The following ZNF25 variants were observed in gnomAD, a reference collection of about 807,000 sequenced individuals.
ZNF25 encodes zinc finger protein 25 (KOX 19).
A neutral mutation model predicts 30.9 loss-of-function variants in ZNF25; 21 were observed. The ratio of observed to expected loss-of-function variants is 0.68; its 90% confidence interval spans 0.48 to 0.98. ZNF25 has a LOEUF of 0.98. Among genes scored for constraint, ZNF25 ranks in the 50% least tolerant of loss-of-function variants. The pLI is 0.00. For missense variants in ZNF25, 501 were observed against 529.9 expected (o/e 0.95, Z 0.54); for synonymous variants, 169 against 181.3 (o/e 0.93, Z 0.55).
At chr10:37,957,775 A>G (rs2062623204) in intron 2 of ZNF25, among the ~76,000 whole-genome samples, 1 of 152,126 alleles carries the variant, frequency 6.6e-6, no homozygotes, top group African/African-American at 2.4e-5. Flanking sequence ...AAAGATGAAG[A>G]AAAAAAATGA....
intron 2 of ZNF25, chr10:37,967,794 C>G (rs957605739): frequency 3.3e-5 from 5 of 152,042 alleles, no homozygotes; most frequent in African/African-American, 1.2e-4. Flanking sequence ...AACTCAATAC[C>G]CACATGCGTG....
chr10:37,959,801 G>A (rs539256985), intron 2 of ZNF25, among the ~76,000 whole-genome samples: 49 of 151,782 alleles, frequency 3.2e-4, no homozygotes, highest in Non-Finnish European at 5.6e-4. Flanking sequence ...GTAGAGATGC[G>A]GTTTCAGCAT....
chr10:37,954,887 C>T (rs1234726504), intron 4 of ZNF25, among the ~76,000 whole-genome samples: 3 of 152,132 alleles, frequency 2.0e-5, no homozygotes, highest in African/African-American at 7.2e-5. Context: ...GGAACGGTGG[C>T]TCATGCCTGT....
chr10:37,953,700 A>G lies in ZNF25; in HGVS notation c.297T>C (p.Asn99=), dbSNP rs2062331962. 6.2e-7 allele frequency: 1 copy of G among 1,613,856 alleles called. No individual in the cohort carries two copies. Among genetic ancestry groups the G allele is most frequent in the Admixed American group, 1.7e-5 (1 of 59,990 alleles). Residue 99 remains asparagine, a synonymous_variant, in exon 5 of 6, where the codon AAT becomes AAC. Transcript: ENST00000302609. ...EARYQESQAG[N]SRNGELTKHQ... is the part of the protein sequence containing the mutation. ...ACATTAATTCTTGAACTTGCCTTGA[A>G]TTTCCAGCTTGGCTTTCCTGGTATC... is the stretch of plus-strand genomic sequence containing the variant.
chr10:37,951,929 G>T lies in ZNF25; in HGVS notation c.*198C>A. The T allele has an allele frequency of 2.2e-6, 1 of 457,954 alleles. No individual in the cohort carries two copies. The highest frequency in any genetic ancestry group is 3.7e-6 in the Non-Finnish European group (1 of 267,058). The allele number at this position is 457,954 out of a possible 1,614,324, so 28.4% of individuals were successfully genotyped here. ...TGCCATCTATATTATCTAATATTTA[G>T]AAAAGCCTAAAATATGATAAAATTT... On this transcript the variant is annotated 3_prime_UTR_variant, in exon 6 of 6. Coordinates refer to ENST00000302609, the MANE Select transcript of ZNF25 (RefSeq NM_145011.4).
intron 4 of ZNF25, among the ~76,000 whole-genome samples, chr10:37,955,573 T>C (rs1463240911): frequency 6.6e-6 from 1 of 152,216 alleles, no homozygotes; most frequent in Admixed American, 6.5e-5. Flanking sequence ...ATCCTTATCA[T>C]AAAAACCAAT....
intron 2 of ZNF25, among the ~76,000 whole-genome samples, chr10:37,969,111 C>T (rs778385622): frequency 6.6e-6 from 1 of 152,118 alleles, no homozygotes; most frequent in African/African-American, 2.4e-5. Flanking sequence ...TTATAATGGG[C>T]ATAATTTTAA....
rs2062108148 is a variant in ZNF25, at chr10:37,950,923, T to A, written c.*1204A>T. 1 of 152,160 alleles carries A rather than the reference T, an allele frequency of 6.6e-6. No homozygotes were observed. The highest frequency in any genetic ancestry group is 6.5e-5 in the Admixed American group (1 of 15,274). 9.4% of individuals were successfully genotyped at this position (152,160 alleles called of 1,614,324 possible). The stretch of plus-strand genomic sequence containing the variant: ...GATAGCTCTGCTCCCTGCTCACACA[T>A]CAACAGTAAGATACATAATATTTCT... On this transcript the variant is annotated 3_prime_UTR_variant, in exon 6 of 6. Coordinates refer to ENST00000302609, the MANE Select transcript of ZNF25 (RefSeq NM_145011.4).
intron 1 of ZNF25, among the ~76,000 whole-genome samples, chr10:37,973,552 G>A (rs1319426616): frequency 6.7e-6 from 1 of 148,756 alleles, no homozygotes; most frequent in Non-Finnish European, 1.5e-5. Context: ...CTGGGAGACA[G>A]AGGTTGCAGT....
chr10:37,967,704 A>T (rs2063265798), intron 2 of ZNF25, among the ~76,000 whole-genome samples: 1 of 152,094 alleles, frequency 6.6e-6, no homozygotes, highest in Non-Finnish European at 1.5e-5. Flanking sequence ...CACCACGTTC[A>T]GCCCCAACTG....
intron 2 of ZNF25, among the ~76,000 whole-genome samples, chr10:37,968,942 C>T (rs896523103): frequency 1.3e-5 from 2 of 152,068 alleles, no homozygotes; most frequent in African/African-American, 2.4e-5. Flanking sequence ...GAACCAATCA[C>T]CTGCATATAC....
intron 5 of ZNF25, chr10:37,953,456 C>A (rs1392317361): frequency 3.3e-6 from 2 of 605,620 alleles, no homozygotes; most frequent in Non-Finnish European, 5.8e-6. Context: ...GTAATAGAGA[C>A]TCCCTTTCAT....
Position 37,960,386 on chromosome 10 carries a change from G to A in ZNF25, c.16-2840C>T, listed in dbSNP as rs189995309. ...TCCCAGCACTTCGGGAGGCTGAGGC[G>A]GGCGGATCACGAGGTCAGGAGATCG... On this transcript the variant is annotated intron_variant, in intron 2 of 5. Coordinates refer to ENST00000302609, the MANE Select transcript of ZNF25 (RefSeq NM_145011.4). 5.5e-4 allele frequency among the ~76,000 whole-genome samples: 83 copies of A among 150,102 alleles called. 2 individuals carry two copies. The East Asian group carries it at 0.014, about 25-fold the overall frequency.
chr10:37,975,674 G>A (rs527851186), intron 1 of ZNF25, among the ~76,000 whole-genome samples: 42 of 152,214 alleles, frequency 2.8e-4, no homozygotes, highest in Non-Finnish European at 5.6e-4. Flanking sequence ...CCTCTGAGAA[G>A]AGACTAAGGT....
intron 1 of ZNF25, among the ~76,000 whole-genome samples, chr10:37,975,520 T>C (rs1044215557): frequency 1.3e-5 from 2 of 152,200 alleles, no homozygotes; most frequent in Non-Finnish European, 2.9e-5. Context: ...ACTGATGAAC[T>C]GCAGTTTTCA....
At chr10:37,972,920 C>A (rs1032694068) in intron 1 of ZNF25, among the ~76,000 whole-genome samples, 1 of 152,100 alleles carries the variant, frequency 6.6e-6, no homozygotes, top group Non-Finnish European at 1.5e-5. Context: ...GTAATCCCAG[C>A]ATTTTGGGAG....
intron 4 of ZNF25, 126 bp downstream of exon 4, chr10:37,956,891 GACA>G: frequency 1.5e-6 from 1 of 661,430 alleles, no homozygotes; most frequent in Non-Finnish European, 2.5e-6. Context: ...CTCCAGCCTG[GACA>G]ACAAGAGTGA....
intron 1 of ZNF25, among the ~76,000 whole-genome samples, chr10:37,974,916 G>T (rs543308702): frequency 2.6e-5 from 4 of 152,182 alleles, no homozygotes; most frequent in South Asian, 2.1e-4. Flanking sequence ...TATACACAAT[G>T]GAATATTATT....
chr10:37,965,049 G>C (rs1368917490), intron 2 of ZNF25, among the ~76,000 whole-genome samples: 1 of 152,128 alleles, frequency 6.6e-6, no homozygotes, highest in African/African-American at 2.4e-5. Flanking sequence ...TTGAGCCAAA[G>C]CTCAGGAGGG....
Sources: gnomAD v4.1 joint callset for allele counts (sites outside exome capture counted in the v4.1 genomes callset) on GRCh38, gnomAD v4.1.1 for gene constraint, MANE v1.5 for transcripts, NCBI Gene and HGNC (gene_info 2026-07-23, HGNC 2026-07-21) for gene names.